The following KDM4F variants were observed in gnomAD, a reference collection of about 807,000 sequenced individuals.
KDM4F encodes lysine demethylase 4F.
For missense variants in KDM4F, 586 were observed against 496.4 expected, an observed-to-expected ratio of 1.18 and a Z score of -1.71; for synonymous variants, 223 against 184.4, an observed-to-expected ratio of 1.21 and a Z score of -1.70.
At chr11:95,049,906 A>G (rs1227973556) in exon 1 of KDM4F, 4 of 1,611,214 alleles carry the variant, frequency 2.5e-6, no homozygotes, top group Non-Finnish European at 3.4e-6. Flanking sequence ...GACCTGTTGG[A>G]GCAGGAATGT....
chr11:95,050,103 T>A (rs1555105364), exon 1 of KDM4F: 14 of 1,576,698 alleles, frequency 8.9e-6, no homozygotes, highest in Non-Finnish European at 7.9e-6. Flanking sequence ...CAGGGAGCTC[T>A]TCCCAGGCAA....
At chr11:95,049,610 T>G (rs28626463) in exon 1 of KDM4F, 59 of 1,599,084 alleles carry the variant, frequency 3.7e-5, no homozygotes, top group African/African-American at 8.1e-5. Context: ...ATGATGATAT[T>G]GAAGACATCT....
At chr11:95,050,162 GC>G in the KDM4F span, 1 of 1,546,564 alleles carries the variant, frequency 6.5e-7, no homozygotes, top group African/African-American at 1.4e-5. Flanking sequence ...CCCTCATCTC[GC>G]CTACAGTTCT....
exon 1 of KDM4F, chr11:95,050,124 T>A: frequency 6.4e-7 from 1 of 1,562,752 alleles, no homozygotes; most frequent in East Asian, 2.2e-5. Context: ...TTCCCGGGGC[T>A]GTGAGGGCTT....
chr11:95,049,587 G>T (rs991459502), exon 1 of KDM4F: 1 of 1,598,536 alleles, frequency 6.3e-7, no homozygotes. Flanking sequence ...GGAATGGAAA[G>T]CCAGACAGAT....
At chr11:95,051,122 C>G in exon 1 of KDM4F, 1 of 400,624 alleles carries the variant, frequency 2.5e-6, no homozygotes, top group Non-Finnish European at 4.4e-6. Context: ...ACTGGAAATC[C>G]CCGGTGAATC....
exon 1 of KDM4F, chr11:95,050,521 C>A: frequency 1.4e-6 from 1 of 705,316 alleles, no homozygotes; most frequent in South Asian, 1.5e-5. Flanking sequence ...CTTAGGAGAG[C>A]TGCTCTGGGC....
At chr11:95,050,774 G>A in exon 1 of KDM4F, 1 of 648,128 alleles carries the variant, frequency 1.5e-6, no homozygotes, top group East Asian at 2.7e-5. Context: ...GGACTGAGGA[G>A]ACAACTGTTC....
At chr11:95,049,813 C>G in exon 1 of KDM4F, 2 of 1,594,774 alleles carry the variant, frequency 1.3e-6, no homozygotes, top group Non-Finnish European at 1.7e-6. Context: ...GGTAATCCAC[C>G]AATTTATGGT....
exon 1 of KDM4F, chr11:95,051,311 A>G: frequency 2.5e-6 from 1 of 398,650 alleles, no homozygotes; most frequent in Non-Finnish European, 4.4e-6. Flanking sequence ...ACCCATGGCC[A>G]TTGAATATGG....
exon 1 of KDM4F, chr11:95,050,372 C>T: frequency 2.0e-6 from 2 of 1,007,066 alleles, no homozygotes; most frequent in Non-Finnish European, 1.6e-6. Flanking sequence ...TGACCTTTTC[C>T]ATGGATGCCT....
chr11:95,051,291 A>C (rs1555105481), exon 1 of KDM4F: 1 of 398,754 alleles, frequency 2.5e-6, no homozygotes, highest in East Asian at 3.6e-5. Flanking sequence ...ATGCATGATC[A>C]ATCCTCTGGA....
Position 95,050,486 on chromosome 11 carries a change from G to A in KDM4F, c.1065G>A (p.Pro355=), listed in dbSNP as rs563618235. The stretch of plus-strand genomic sequence containing the variant: ...CCAGGGTTGCAGAAAGCCAAGAGCC[G>A]AGCAACTGGAGGGAGGACATAGCAC... The change falls in exon 1 of 1, where the codon CCG becomes CCA. Residue 355 remains proline (P), a synonymous_variant. Transcript: ENST00000545950. The A allele has an allele frequency of 3.7e-5, 27 of 728,682 alleles. No individual in the cohort carries two copies. In the African/African-American group the frequency reaches 3.8e-4, roughly 10 times the overall value. The allele number at this position is 728,682 out of a possible 1,614,324, so 45.1% of individuals were successfully genotyped here. A position where few individuals can be genotyped will look rare whatever the true frequency, so the allele number is the denominator to read the frequency against.
chr11:95,051,149 A>T (rs1858508255), exon 1 of KDM4F: 1 of 399,774 alleles, frequency 2.5e-6, no homozygotes, highest in African/African-American at 2.1e-5. Context: ...AGGTTGTAGC[A>T]ATGGACCATT....
In KDM4F at chr11:95,050,321, T is replaced by C. The variant is rs1858498478; in HGVS notation, c.900T>C (p.Tyr300=). Reference sequence around the variant, plus strand: ...TTGCCACTCCACGATGGATTGATTATGGTAAAGTGGCTTCACAGTGTAGCT... The same window carrying C: ...TTGCCACTCCACGATGGATTGATTACGGTAAAGTGGCTTCACAGTGTAGCT... The change falls in exon 1 of 1, where the codon TAT becomes TAC. Residue 300 remains tyrosine, a synonymous_variant. Transcript: ENST00000545950. The C allele has an allele frequency of 4.6e-6, 6 of 1,312,148 alleles. No homozygotes were observed. In the Admixed American group the frequency reaches 6.7e-5, roughly 15 times the overall value. 81.3% of individuals were successfully genotyped at this position (1,312,148 alleles called of 1,614,324 possible).
exon 1 of KDM4F, chr11:95,050,963 G>T (rs782001966): frequency 1.9e-5 from 9 of 477,196 alleles, no homozygotes; most frequent in African/African-American, 4.0e-5. Context: ...AACCCCTGGG[G>T]CCCCCACTGG....
exon 1 of KDM4F, chr11:95,049,728 A>G: frequency 6.2e-7 from 1 of 1,605,558 alleles, no homozygotes; most frequent in Non-Finnish European, 8.5e-7. Context: ...CCACTTGGCA[A>G]ACAGTAAAAA....
At chr11:95,049,731 A>G (rs1858491853) in exon 1 of KDM4F, 2 of 1,605,628 alleles carry the variant, frequency 1.2e-6, no homozygotes, top group East Asian at 2.2e-5. Context: ...CTTGGCAAAC[A>G]GTAAAAAATA....
exon 1 of KDM4F, chr11:95,051,322 T>G: frequency 2.5e-6 from 1 of 398,612 alleles, no homozygotes; most frequent in East Asian, 3.6e-5. Context: ...TTGAATATGG[T>G]GTCAAATGTC....
Sources: allele counts gnomAD v4.1 joint callset, GRCh38; gene constraint gnomAD v4.1.1; transcripts MANE v1.5; gene names NCBI Gene and HGNC (gene_info 2026-07-23, HGNC 2026-07-21).